Variants in OSR1 observed in about 807,000 individuals in gnomAD.
OSR1 encodes protein odd-skipped-related 1.
Under a neutral mutation model 15.7 loss-of-function variants are expected in OSR1, and 3 were observed. The ratio of observed to expected loss-of-function variants is 0.19; its 90% CI spans 0.09 to 0.50. The LOEUF (loss-of-function observed/expected upper bound fraction) is 0.50. OSR1 is among the 20% of genes least tolerant of loss of function. OSR1 has a pLI of 0.97. For missense variants in OSR1, 271 were observed against 351.1 expected, an observed-to-expected ratio of 0.77 and a Z score of 1.82; for synonymous variants, 166 against 152.7, an observed-to-expected ratio of 1.09 and a Z score of -0.64.
chr2:19,348,147 C>G (rs1027513694), downstream of OSR1, among the ~76,000 whole-genome samples: 3 of 152,080 alleles, frequency 2.0e-5, no homozygotes, highest in African/African-American at 7.2e-5. Flanking sequence ...GCGGCAACTG[C>G]TGCCCTGAAA....
At position 19,357,355 on chromosome 2, in the gene OSR1, T is replaced by C. The variant is rs988342366; in HGVS notation, c.-33+986A>G. 1.3e-5 allele frequency among the ~76,000 whole-genome samples: 2 copies of C among 152,172 alleles called. No individual in the cohort carries two copies. The highest frequency in any genetic ancestry group is 1.3e-4 in the Admixed American group (2 of 15,286). On this transcript the variant is annotated intron_variant, in intron 1 of 2. Coordinates refer to ENST00000272223, the MANE Select transcript of OSR1 (RefSeq NM_145260.3). This position sits in a 1 kb window ranked among gnomAD's most constrained non-coding sequence, Gnocchi z 5.0. ...CTTAGCCTGGGTGAAATTTACCAAA[T>C]TGTGGCAACAAAGAAACCCTTGCGG... is the stretch of plus-strand genomic sequence containing the variant.
In OSR1 at chr2:19,353,778, C is replaced by T. The variant is rs1158816346; in HGVS notation, c.28G>A (p.Val10Met). 2 of 1,611,890 alleles carry T rather than the reference C, an allele frequency of 1.2e-6. No individual in the cohort carries two copies. The highest frequency in any genetic ancestry group is 1.7e-6 in the Non-Finnish European group (2 of 1,178,602). MGSKTLPAPVPIHPSLQLTN... is the reference protein window; with the variant it reads MGSKTLPAPMPIHPSLQLTN... ...AGCTGCAGGGAAGGGTGGATAGGCA[C>T]CGGCGCCGGCAAGGTTTTGCTGCCC... The change falls in exon 2 of 3, where the codon GTG (valine) becomes ATG (methionine). Residue 10 changes from valine (V) to methionine (M), a missense_variant. Coordinates refer to ENST00000272223, the MANE Select transcript of OSR1 (RefSeq NM_145260.3).
downstream of OSR1, among the ~76,000 whole-genome samples, chr2:19,347,625 C>A (rs909588205): frequency 2.6e-5 from 4 of 152,206 alleles, no homozygotes; most frequent in East Asian, 1.9e-4. Context: ...CCCAGGAAGT[C>A]GGGATGAACG....
chr2:19,348,662 G>A (rs1201856887), downstream of OSR1, among the ~76,000 whole-genome samples: 1 of 152,108 alleles, frequency 6.6e-6, no homozygotes, highest in East Asian at 1.9e-4. Context: ...TGAATTCCGC[G>A]GCAAGGAAGT....
At chr2:19,356,560 A>G (rs1159971465) in intron 1 of OSR1, 1 of 152,272 alleles carries the variant, frequency 6.6e-6, no homozygotes, top group Non-Finnish European at 1.5e-5. Flanking sequence ...GCCAGAAAGG[A>G]TGAGTGAGCC....
At chr2:19,347,916 C>T (rs1404314171), downstream of OSR1, among the ~76,000 whole-genome samples, 8 of 152,260 alleles carry the variant, frequency 5.3e-5, no homozygotes, top group African/African-American at 1.9e-4. Context: ...GATGCGCCCG[C>T]CGGGCCAGTG....
intron 1 of OSR1, chr2:19,358,080 G>C (rs756747402): frequency 6.6e-6 from 1 of 152,274 alleles, no homozygotes; most frequent in Admixed American, 6.5e-5. Context: ...CCGCAGAGCC[G>C]GGCGGGCTGG....
downstream of OSR1, among the ~76,000 whole-genome samples, chr2:19,347,820 T>TC (rs1229235718): frequency 2.0e-5 from 3 of 152,220 alleles, no homozygotes; most frequent in African/African-American, 7.2e-5. Flanking sequence ...GACTGGGCAC[T>TC]CCAAGTCAAG....
rs371504366 is a variant in OSR1 at position 19,353,817 on chromosome 2, C to T, written c.-12G>A. 1 of 1,602,420 alleles carries T rather than the reference C, an allele frequency of 6.2e-7. No individual in the cohort carries two copies. The highest frequency in any genetic ancestry group is 8.5e-7 in the Non-Finnish European group (1 of 1,172,962). ...GTTTTGCTGCCCATTTCGGTAGTTG[C>T]AGTGGCTTCTCAATCCGGATCTGCA... On this transcript the variant is annotated 5_prime_UTR_variant, in exon 2 of 3. Coordinates refer to ENST00000272223, the MANE Select transcript of OSR1 (RefSeq NM_145260.3).
Position 19,353,701 on chromosome 2 carries a change from C to T in OSR1, c.105G>A (p.Ser35=), listed in dbSNP as rs773456081. ...QAVNGLPTVP[S]DHLPNLYGFS... Reference sequence around the variant, plus strand: ...AACCATACAGGTTGGGCAGATGGTCCGAAGGCACTGTGGGCAGGCCGTTCA... The same window carrying T: ...AACCATACAGGTTGGGCAGATGGTCTGAAGGCACTGTGGGCAGGCCGTTCA... Residue 35 remains serine, a synonymous_variant, in exon 2 of 3, where the codon TCG becomes TCA. Coordinates refer to ENST00000272223, the MANE Select transcript of OSR1 (RefSeq NM_145260.3). 1.1e-5 allele frequency: 17 copies of T among 1,614,002 alleles called. No homozygotes were observed. Among genetic ancestry groups the T allele is most frequent in the Non-Finnish European group, 1.1e-5 (13 of 1,180,014 alleles).
At position 19,357,548 on chromosome 2, in the gene OSR1, A is replaced by C. The variant is rs543502962; in HGVS notation, c.-33+793T>G. On this transcript the variant is annotated intron_variant, in intron 1 of 2. Coordinates refer to ENST00000272223, the MANE Select transcript of OSR1 (RefSeq NM_145260.3). This position sits in a 1 kb window ranked among gnomAD's most constrained non-coding sequence, Gnocchi z 5.0. The stretch of plus-strand genomic sequence containing the variant: ...TCTCCTGACGGCTGGATTAGCGGAC[A>C]GTCAGGGGAGTAACAGAACTTTTCC... Among the ~76,000 whole-genome samples, 8 of 152,220 alleles carry C rather than the reference A, an allele frequency of 5.3e-5. No homozygotes were observed. Among genetic ancestry groups the C allele is most frequent in the Non-Finnish European group, 8.8e-5 (6 of 68,012 alleles).
At chr2:19,356,787 C>G (rs1664958540) in intron 1 of OSR1, 1 of 152,336 alleles carries the variant, frequency 6.6e-6, no homozygotes, top group Non-Finnish European at 1.5e-5. Flanking sequence ...TGCGGGCACT[C>G]GCGTCCCTCG....
downstream of OSR1, chr2:19,348,558 G>A (rs1485644528): frequency 1.3e-5 from 2 of 154,268 alleles, no homozygotes; most frequent in African/African-American, 2.4e-5. Context: ...GATTCTAGGG[G>A]ATTTAGGATA....
At chr2:19,347,284 T>C (rs942297428), downstream of OSR1, among the ~76,000 whole-genome samples, 1 of 152,210 alleles carries the variant, frequency 6.6e-6, no homozygotes, top group Non-Finnish European at 1.5e-5. Context: ...AGGGTAGTTT[T>C]TGGTTCAAGC....
chr2:19,349,158 T>C (rs975262492), downstream of OSR1, among the ~76,000 whole-genome samples: 3 of 152,204 alleles, frequency 2.0e-5, no homozygotes, highest in Admixed American at 6.5e-5. Context: ...TCTGACCCTC[T>C]CAATTGCACT....
chr2:19,355,271 C>G (rs1220767166), intron 1 of OSR1: 1 of 152,500 alleles, frequency 6.6e-6, no homozygotes, highest in East Asian at 1.9e-4. Context: ...TTCCTTTACC[C>G]TTCATTACTC....
chr2:19,354,094 T>G, intron 1 of OSR1: 1 of 424,916 alleles, frequency 2.4e-6, no homozygotes, highest in East Asian at 3.8e-5. Flanking sequence ...CCACACAACT[T>G]GATAGAGGGA....
Position 19,352,628 on chromosome 2 carries a change from T to C in OSR1, c.666-218A>G, listed in dbSNP as rs851066. 0.89 allele frequency among the ~76,000 whole-genome samples: 135,101 copies of C among 152,114 alleles called. 60,209 individuals carry two copies. The highest frequency in any genetic ancestry group is 1 in the East Asian group (5,146 of 5,150). ...TGATCCTTAAACAGGTTCAGCCACC[T>C]GTTTAAGGTGCCTTCCTGGTGGGCA... On this transcript the variant is annotated intron_variant, in intron 2 of 2. Coordinates refer to ENST00000272223, the MANE Select transcript of OSR1 (RefSeq NM_145260.3).
At chr2:19,352,456 T>G (rs770221485) in intron 2 of OSR1, 46 bp from the exon 3 acceptor site, 2 of 1,603,728 alleles carry the variant, frequency 1.2e-6, no homozygotes, top group Non-Finnish European at 1.7e-6. Flanking sequence ...TGATGCAATG[T>G]TATAAACAGT....
Sources: allele counts gnomAD v4.1 joint callset (sites outside exome capture counted in the v4.1 genomes callset), GRCh38; gene constraint gnomAD v4.1.1; non-coding constraint Gnocchi (gnomAD v3.1); transcripts MANE v1.5; gene names NCBI Gene and HGNC (gene_info 2026-07-23, HGNC 2026-07-21).